ZNF469: variants seen among roughly 807,000 people sequenced by gnomAD.
The protein encoded by ZNF469 is zinc finger protein 469.
Under a neutral mutation model 1.0 loss-of-function variants are expected in ZNF469, and 1 was observed. The ratio of observed to expected loss-of-function variants is 1.00; its 90% CI spans 0.35 to 4.73. The LOEUF is 4.73. Ranked by LOEUF, ZNF469 falls within the 30% of genes most tolerant of loss-of-function variation. ZNF469 has a pLI of 0.16. For missense variants in ZNF469, 6,100 were observed against 5,356.3 expected (o/e 1.14, Z -4.33); for synonymous variants, 2,703 against 2,363.4 (o/e 1.14, Z -4.17).
chr16:88,266,487 A>C, the ZNF469 span, among the ~76,000 whole-genome samples: 2 of 152,248 alleles, frequency 1.3e-5, no homozygotes, highest in Non-Finnish European at 2.9e-5. Flanking sequence ...GTTCAAGTCA[A>C]AATAAAAATG....
chr16:88,283,959 CAA>C, the ZNF469 span, among the ~76,000 whole-genome samples: 6 of 42,014 alleles, frequency 1.4e-4, no homozygotes, highest in African/African-American at 4.2e-4. Context: ...CCAGTGTGCC[CAA>C]GGTCTGTGGA....
At chr16:88,130,047 C>A in the ZNF469 span, among the ~76,000 whole-genome samples, 3 of 152,180 alleles carry the variant, frequency 2.0e-5, no homozygotes, top group African/African-American at 7.2e-5. Context: ...CAGTGAAAAA[C>A]CATTTCTAGA....
intron 1 of ZNF469, among the ~76,000 whole-genome samples, chr16:88,407,078 G>A (rs1426524688): frequency 7.2e-6 from 1 of 139,534 alleles, no homozygotes; most frequent in African/African-American, 2.8e-5. Context: ...TGCTGTGACC[G>A]CCGCACCTGG....
the ZNF469 span, among the ~76,000 whole-genome samples, chr16:88,280,240 G>A: frequency 3.3e-5 from 5 of 150,274 alleles, no homozygotes; most frequent in African/African-American, 4.9e-5. Context: ...CCACCCTGAC[G>A]CTCAGTCAGT....
chr16:88,338,970 G>A, the ZNF469 span, among the ~76,000 whole-genome samples: 10 of 151,940 alleles, frequency 6.6e-5, no homozygotes, highest in South Asian at 2.1e-4. Flanking sequence ...ACTTTGTTCT[G>A]GAAGCCCCAG....
chr16:88,304,602 G>A, the ZNF469 span, among the ~76,000 whole-genome samples: 1 of 152,194 alleles, frequency 6.6e-6, no homozygotes, highest in Non-Finnish European at 1.5e-5. Flanking sequence ...TCACCCAGCT[G>A]CTTCTGCTCT....
At chr16:88,226,136 G>C in the ZNF469 span, among the ~76,000 whole-genome samples, 1 of 152,198 alleles carries the variant, frequency 6.6e-6, no homozygotes. Context: ...CGTCTGTGCT[G>C]GGGGTGGAGG....
chr16:88,122,417 G>C, the ZNF469 span, among the ~76,000 whole-genome samples: 1 of 150,464 alleles, frequency 6.6e-6, no homozygotes, highest in Non-Finnish European at 1.5e-5. Context: ...TACAGCCATG[G>C]CGGCCACTCG....
At chr16:88,380,443 TCACACACAGACATG>T (rs1233914125), upstream of ZNF469, among the ~76,000 whole-genome samples, 2 of 97,584 alleles carry the variant, frequency 2.0e-5, no homozygotes, top group Non-Finnish European at 4.0e-5. Flanking sequence ...ACATACACAG[TCACACACAGACATG>T]CACACACACA....
chr16:88,177,044 C>T, the ZNF469 span, among the ~76,000 whole-genome samples: 1 of 152,166 alleles, frequency 6.6e-6, no homozygotes, highest in Non-Finnish European at 1.5e-5. This position sits in a 1 kb window ranked among gnomAD's most constrained non-coding sequence, Gnocchi z 4.8. Flanking sequence ...AGAAGGCACC[C>T]GTGCACGTCT....
chr16:88,227,297 GA>G, the ZNF469 span, among the ~76,000 whole-genome samples: 1 of 152,210 alleles, frequency 6.6e-6, no homozygotes, highest in Non-Finnish European at 1.5e-5. Flanking sequence ...CAGGAAGAGA[GA>G]GGAAGCGGGG....
the ZNF469 span, among the ~76,000 whole-genome samples, chr16:88,150,329 C>T: frequency 6.6e-6 from 1 of 152,138 alleles, no homozygotes; most frequent in Non-Finnish European, 1.5e-5. Flanking sequence ...ACAAAAAAAC[C>T]AAACAAATAA....
chr16:88,390,468 G>T (rs1416996042), intron 1 of ZNF469, among the ~76,000 whole-genome samples: 2 of 152,204 alleles, frequency 1.3e-5, no homozygotes, highest in African/African-American at 2.4e-5. Flanking sequence ...CAAACAGGAG[G>T]CGGCCGCTCT....
chr16:88,422,154 G>C (rs1027817718), intron 1 of ZNF469, among the ~76,000 whole-genome samples: 5 of 151,752 alleles, frequency 3.3e-5, no homozygotes, highest in Non-Finnish European at 7.4e-5. Flanking sequence ...ACGGGTGGGT[G>C]GATGGGCAGG....
the ZNF469 span, among the ~76,000 whole-genome samples, chr16:88,169,624 T>C: frequency 1.3e-5 from 2 of 152,240 alleles, no homozygotes; most frequent in Non-Finnish European, 2.9e-5. The surrounding 1 kb of genome is among the most constrained non-coding windows in gnomAD (Gnocchi z 6.1). Flanking sequence ...ACGTTTGGGC[T>C]GATTCCGGGT....
At chr16:88,271,944 G>A in the ZNF469 span, among the ~76,000 whole-genome samples, 1,721 of 152,178 alleles carry the variant, frequency 0.011, 13 homozygotes, top group Non-Finnish European at 0.016. Flanking sequence ...TGGGTGGATG[G>A]ATGAATTGTG....
chr16:88,324,103 A>C, the ZNF469 span, among the ~76,000 whole-genome samples: 1 of 152,224 alleles, frequency 6.6e-6, no homozygotes, highest in Non-Finnish European at 1.5e-5. Flanking sequence ...ATGGCACACC[A>C]CATGGCTGGC....
the ZNF469 span, among the ~76,000 whole-genome samples, chr16:88,246,858 AGC>A: frequency 1.7e-4 from 26 of 150,568 alleles, no homozygotes; most frequent in African/African-American, 6.4e-4. Flanking sequence ...TGAGTGAATG[AGC>A]AAGTGAATGA....
the ZNF469 span, among the ~76,000 whole-genome samples, chr16:88,300,973 G>A: frequency 2.6e-4 from 40 of 152,150 alleles, no homozygotes; most frequent in African/African-American, 8.7e-4. Context: ...GCTGAGGCAG[G>A]AGAATCCATT....
Sources: allele counts gnomAD v4.1 joint callset (sites outside exome capture counted in the v4.1 genomes callset), GRCh38; gene constraint gnomAD v4.1.1; non-coding constraint Gnocchi (gnomAD v3.1); transcripts MANE v1.5; gene names NCBI Gene and HGNC (gene_info 2026-07-23, HGNC 2026-07-21).